The following LDB2 variants were observed in gnomAD, a reference collection of about 807,000 sequenced individuals.
LDB2 encodes LIM domain binding 2.
In LDB2, 12 loss-of-function variants were observed where a neutral mutation model predicts 44.3. The ratio of observed to expected loss-of-function variants is 0.27; its 90% CI spans 0.17 to 0.44. The LOEUF is 0.44. LDB2 is among the 20% of genes least tolerant of loss of function. The pLI is 1.00. For synonymous variants in LDB2, 164 were observed against 174.8 expected (o/e 0.94, Z 0.49); for missense variants, 344 against 473.5 (o/e 0.73, Z 2.54).
At chr4:16,755,528 T>TGTGTGTGTGA (rs1561114447) in intron 2 of LDB2, among the ~76,000 whole-genome samples, 1 of 134,966 alleles carries the variant, frequency 7.4e-6, no homozygotes, top group Admixed American at 7.2e-5. Flanking sequence ...TGTGTGTATG[T>TGTGTGTGTGA]GAGAGAGAGA....
At chr4:16,572,181 C>A (rs949007716) in intron 5 of LDB2, among the ~76,000 whole-genome samples, 1 of 152,194 alleles carries the variant, frequency 6.6e-6, no homozygotes, top group African/African-American at 2.4e-5. Flanking sequence ...TAAATTCAAA[C>A]AACTCCCTTC....
chr4:16,800,970 C>G (rs989777665), intron 1 of LDB2, among the ~76,000 whole-genome samples: 1 of 152,246 alleles, frequency 6.6e-6, no homozygotes, highest in African/African-American at 2.4e-5. Flanking sequence ...CCACCGCGCC[C>G]GGCCGGAAGA....
intron 1 of LDB2, among the ~76,000 whole-genome samples, chr4:16,782,381 T>G (rs1579616191): frequency 6.6e-6 from 1 of 151,920 alleles, no homozygotes; most frequent in African/African-American, 2.4e-5. Flanking sequence ...GACGGAGTCT[T>G]GCTCTGTCTC....
chr4:16,520,126 C>T (rs1725437473), intron 5 of LDB2, among the ~76,000 whole-genome samples: 1 of 151,790 alleles, frequency 6.6e-6, no homozygotes, highest in Non-Finnish European at 1.5e-5. Context: ...GTTTTTTCAC[C>T]CTCCCCTCCC....
At chr4:16,811,050 G>GA (rs1779760397) in intron 1 of LDB2, among the ~76,000 whole-genome samples, 1 of 152,146 alleles carries the variant, frequency 6.6e-6, no homozygotes, top group South Asian at 2.1e-4. Context: ...TAGATTCCTT[G>GA]CATGTGCAGT....
At chr4:16,850,060 C>A (rs1302776099) in intron 1 of LDB2, among the ~76,000 whole-genome samples, 2 of 152,152 alleles carry the variant, frequency 1.3e-5, no homozygotes, top group Admixed American at 6.5e-5. Flanking sequence ...AGGTGATATG[C>A]TATAAACATC....
intron 2 of LDB2, among the ~76,000 whole-genome samples, chr4:16,685,110 T>A (rs1748895542): frequency 6.6e-6 from 1 of 152,234 alleles, no homozygotes; most frequent in African/African-American, 2.4e-5. Flanking sequence ...ATTTTGGAGC[T>A]ATGTCTTTCA....
intron 5 of LDB2, among the ~76,000 whole-genome samples, chr4:16,539,687 T>C (rs1733086325): frequency 6.6e-6 from 1 of 152,100 alleles, no homozygotes; most frequent in African/African-American, 2.4e-5. Flanking sequence ...GGTCAAACAA[T>C]GGTCTTTTCA....
At chr4:16,667,736 G>C (rs1179022870) in intron 2 of LDB2, among the ~76,000 whole-genome samples, 2 of 152,204 alleles carry the variant, frequency 1.3e-5, no homozygotes, top group East Asian at 3.9e-4. Context: ...CTGGAGAAAA[G>C]GATTGCTGGG....
chr4:16,860,600 C>T (rs1712203073), intron 1 of LDB2, among the ~76,000 whole-genome samples: 1 of 152,222 alleles, frequency 6.6e-6, no homozygotes, highest in Non-Finnish European at 1.5e-5. Context: ...CAGGTTTGTT[C>T]ATCTGTCAGA....
At chr4:16,696,317 G>A (rs773671578) in intron 2 of LDB2, among the ~76,000 whole-genome samples, 4 of 152,228 alleles carry the variant, frequency 2.6e-5, no homozygotes, top group South Asian at 2.1e-4. Flanking sequence ...CTAACCCATC[G>A]TCCCTTAACC....
intron 5 of LDB2, among the ~76,000 whole-genome samples, chr4:16,560,038 A>G (rs1350117052): frequency 3.3e-5 from 5 of 152,242 alleles, no homozygotes; most frequent in African/African-American, 1.2e-4. Flanking sequence ...GACACAACAT[A>G]CCAGAATCTC....
Position 16,807,522 on chromosome 4 carries a change from G to A in LDB2, c.133-48262C>T, listed in dbSNP as rs78829702. On this transcript the variant is annotated intron_variant, in intron 1 of 7. Transcript: ENST00000304523. Reference sequence around the variant, plus strand: ...TCCCCTTTCTTCTTGCTCTCTTACTGTTCCAGCCTTGCCTGGCATAAATTT... The same window carrying A: ...TCCCCTTTCTTCTTGCTCTCTTACTATTCCAGCCTTGCCTGGCATAAATTT... 2.1e-3 allele frequency among the ~76,000 whole-genome samples: 320 copies of A among 152,262 alleles called. 2 individuals carry two copies. Among genetic ancestry groups the A allele is most frequent in the African/African-American group, 7.4e-3 (307 of 41,548 alleles).
chr4:16,894,762 C>A (rs576306296), intron 1 of LDB2, among the ~76,000 whole-genome samples: 3 of 152,216 alleles, frequency 2.0e-5, no homozygotes, highest in African/African-American at 7.2e-5. Context: ...TTTTCAAATT[C>A]TCTCCTTTTG....
chr4:16,571,853 A>T (rs908288007), intron 5 of LDB2, among the ~76,000 whole-genome samples: 8 of 152,150 alleles, frequency 5.3e-5, no homozygotes, highest in Non-Finnish European at 4.4e-5. Flanking sequence ...GCTGTTCCCA[A>T]ATTCATTATC....
At chr4:16,750,657 G>A (rs1765314462) in intron 2 of LDB2, among the ~76,000 whole-genome samples, 1 of 152,168 alleles carries the variant, frequency 6.6e-6, no homozygotes, top group African/African-American at 2.4e-5. Context: ...ATGAACTGGG[G>A]TCCTTGAAGT....
intron 2 of LDB2, among the ~76,000 whole-genome samples, chr4:16,654,004 G>A (rs1011619552): frequency 2.0e-5 from 3 of 152,244 alleles, no homozygotes; most frequent in South Asian, 2.1e-4. Flanking sequence ...GAACTTGGTC[G>A]CCACTCTGTT....
chr4:16,736,003 G>A (rs931844104), intron 2 of LDB2, among the ~76,000 whole-genome samples: 16 of 152,154 alleles, frequency 1.1e-4, no homozygotes, highest in Admixed American at 1.0e-3. Flanking sequence ...CCAGGGAGCT[G>A]GACCTATAGA....
At chr4:16,735,662 G>A (rs946123061) in intron 2 of LDB2, among the ~76,000 whole-genome samples, 18 of 151,958 alleles carry the variant, frequency 1.2e-4, no homozygotes, top group Admixed American at 9.8e-4. Context: ...GATGGCATGT[G>A]GATATCATGT....
Sources: allele counts gnomAD v4.1 joint callset (sites outside exome capture counted in the v4.1 genomes callset), GRCh38; gene constraint gnomAD v4.1.1; transcripts MANE v1.5; gene names NCBI Gene and HGNC (gene_info 2026-07-23, HGNC 2026-07-21).